Variants in ASXL1 observed in about 807,000 individuals in gnomAD.
The protein encoded by ASXL1 is polycomb group protein ASXL1.
A neutral mutation model predicts 89.1 loss-of-function variants in ASXL1; 65 were observed. That is an observed-to-expected ratio of 0.73 (90% confidence interval 0.60 to 0.90). The LOEUF (loss-of-function observed/expected upper bound fraction) is 0.90. Among genes scored for constraint, ASXL1 ranks in the 40% least tolerant of loss-of-function variants. The pLI is 0.00. For synonymous variants in ASXL1, 739 were observed against 746.9 expected, an observed-to-expected ratio of 0.99 and a Z score of 0.17; for missense variants, 1,786 against 1,942.9, an observed-to-expected ratio of 0.92 and a Z score of 1.52.
chr20:32,388,059 C>T (rs969847446), intron 4 of ASXL1, among the ~76,000 whole-genome samples: 1 of 152,214 alleles, frequency 6.6e-6, no homozygotes, highest in African/African-American at 2.4e-5. Flanking sequence ...ATCACTCTCT[C>T]TGCCACCAGA....
At position 32,435,315 on chromosome 20, in the gene ASXL1, T is replaced by A. The variant is rs1448291477; in HGVS notation, c.2603T>A (p.Leu868His). ...AGAGCATTTGATGACGAATTAGGGC[T>A]TGGTGGCTCATGCCCTCCTATGAGG... ...QNRAFDDELG[L>H]GGSCPPMRES... Residue 868 changes from leucine to histidine, a missense_variant, in exon 13 of 13, where the codon CTT (leucine) becomes CAT (histidine). Coordinates refer to ENST00000375687, the MANE Select transcript of ASXL1 (RefSeq NM_015338.6). 1.2e-6 allele frequency: 2 copies of A among 1,614,174 alleles called. No individual in the cohort carries two copies. Among genetic ancestry groups the A allele is most frequent in the Non-Finnish European group, 1.7e-6 (2 of 1,180,008 alleles).
At chr20:32,379,019 C>T (rs1400866975) in intron 4 of ASXL1, among the ~76,000 whole-genome samples, 1 of 151,532 alleles carries the variant, frequency 6.6e-6, no homozygotes, top group African/African-American at 2.4e-5. Context: ...GTAGTCCCAG[C>T]TACTCGGGAG....
intron 8 of ASXL1, 34 bp from the exon 9 acceptor site, chr20:32,431,287 A>T (rs1355171800): frequency 5.0e-6 from 8 of 1,614,050 alleles, no homozygotes; most frequent in Non-Finnish European, 6.8e-6. Context: ...TCTTTTAAAA[A>T]GCTGAAATCT....
intron 4 of ASXL1, among the ~76,000 whole-genome samples, chr20:32,421,237 T>A (rs4911092): frequency 0.8 from 118,216 of 147,584 alleles, 47,200 homozygotes; most frequent in South Asian, 0.92. Context: ...AAGTAAAATT[T>A]AAAAAAAAAA....
At chr20:32,366,317 T>G in intron 1 of ASXL1, 67 bp from the exon 2 acceptor site, 1 of 1,379,468 alleles carries the variant, frequency 7.2e-7, no homozygotes, top group Non-Finnish European at 1.0e-6. Flanking sequence ...CTTTAGCCCA[T>G]GATATATGGA....
intron 4 of ASXL1, among the ~76,000 whole-genome samples, chr20:32,377,760 C>T (rs1355870044): frequency 6.6e-6 from 1 of 150,930 alleles, no homozygotes. Flanking sequence ...CCAAGCGATT[C>T]TCTTACCTCA....
intron 2 of ASXL1, among the ~76,000 whole-genome samples, chr20:32,366,819 C>T (rs2048211798): frequency 6.6e-6 from 1 of 152,160 alleles, no homozygotes; most frequent in South Asian, 2.1e-4. Context: ...ACCCTTTTCT[C>T]TATGCCGTAT....
intron 1 of ASXL1, among the ~76,000 whole-genome samples, chr20:32,361,915 A>G (rs531982995): frequency 9.9e-5 from 15 of 151,782 alleles, no homozygotes; most frequent in African/African-American, 2.9e-4. Flanking sequence ...AAAATACAAA[A>G]ATTAGCCAGG....
intron 4 of ASXL1, among the ~76,000 whole-genome samples, chr20:32,405,169 A>G (rs2048935002): frequency 1.3e-5 from 2 of 152,290 alleles, no homozygotes; most frequent in South Asian, 4.1e-4. Flanking sequence ...TCTGTTGTAC[A>G]GACTGGAGTG....
chr20:32,393,610 T>G (rs1056823901), intron 4 of ASXL1, among the ~76,000 whole-genome samples: 5 of 152,118 alleles, frequency 3.3e-5, no homozygotes, highest in African/African-American at 1.2e-4. Context: ...TAGCTGGGAC[T>G]GCAGGCACCT....
In ASXL1 at chr20:32,431,767, T is replaced by C. The variant is rs901854171; in HGVS notation, c.979+88T>C. 6.5e-6 allele frequency: 9 copies of C among 1,377,996 alleles called. No homozygotes were observed. The African/African-American group carries it at 9.9e-5, about 15-fold the overall frequency. 85.4% of individuals were successfully genotyped at this position (1,377,996 alleles called of 1,614,324 possible). ...CCTGGTATTTAAAACCCAAGCTCGC[T>C]CTTCTCAAAGGGTTATTTAGTATAA... On this transcript the variant is annotated intron_variant, in intron 10 of 12. Transcript: ENST00000375687.
rs563571600 is a variant in ASXL1, at chr20:32,430,196, T to C, written c.718+143T>C. On this transcript the variant is annotated intron_variant, in intron 8 of 12. Coordinates refer to ENST00000375687, the MANE Select transcript of ASXL1 (RefSeq NM_015338.6). ...CTCTATTTTTTGTTTATTTTTACTT[T>C]GTAATTTGCTTATTTCATTTGTAGC... 42 of 1,131,790 alleles carry C rather than the reference T, an allele frequency of 3.7e-5. 1 individual carries two copies. The South Asian group carries it at 5.1e-4, about 14-fold the overall frequency. 70.1% of individuals were successfully genotyped at this position (1,131,790 alleles called of 1,614,324 possible).
At chr20:32,434,015 A>C in intron 12 of ASXL1, 98 bp downstream of exon 12, 1 of 1,515,364 alleles carries the variant, frequency 6.6e-7, no homozygotes. Context: ...GAAGTTAATT[A>C]TGTGGGAATG....
chr20:32,429,066 C>T lies in ASXL1; in HGVS notation c.472-272C>T. Reference sequence around the variant, plus strand: ...TGGGAGTGAGCAGTTTGAATGATAACCCTGCACTTACTAGCCTTGAGACTT... The same window carrying T: ...TGGGAGTGAGCAGTTTGAATGATAATCCTGCACTTACTAGCCTTGAGACTT... On this transcript the variant is annotated intron_variant, in intron 6 of 12. Transcript: ENST00000375687. This position sits in a 1 kb window ranked among gnomAD's most constrained non-coding sequence, Gnocchi z 4.9. 2.2e-6 allele frequency: 1 copy of T among 461,452 alleles called. No homozygotes were observed. The highest frequency in any genetic ancestry group is 4.0e-6 in the Non-Finnish European group (1 of 249,152). 28.6% of individuals were successfully genotyped at this position (461,452 alleles called of 1,614,324 possible).
At chr20:32,386,855 C>A (rs539010058) in intron 4 of ASXL1, among the ~76,000 whole-genome samples, 1 of 143,472 alleles carries the variant, frequency 7.0e-6, no homozygotes, top group Non-Finnish European at 1.5e-5. Flanking sequence ...CGATTATGTA[C>A]CTTGATGTGG....
rs752183203 is a variant in ASXL1, at chr20:32,436,938, CCTT to C, written c.4229_4231del (p.Phe1410del). ...GGGATGCCCTTTGTCATGGACTTGC[CCTT>C]CTGGAAATTACCCCGAGAGCCAGGG... On this transcript the variant is annotated inframe_deletion, in exon 13 of 13. Coordinates refer to ENST00000375687, the MANE Select transcript of ASXL1 (RefSeq NM_015338.6). The C allele has an allele frequency of 1.2e-6, 2 of 1,614,050 alleles. No homozygotes were observed. Among genetic ancestry groups the C allele is most frequent in the African/African-American group, 2.7e-5 (2 of 74,928 alleles).
chr20:32,372,176 G>A lies in ASXL1; in HGVS notation c.252+3053G>A, dbSNP rs781128104. The stretch of plus-strand genomic sequence containing the variant: ...CTTAATTTTACAGGTGTGAGCCACT[G>A]CACCAGGCCCCTTCATCTTAATTTT... On this transcript the variant is annotated intron_variant, in intron 4 of 12. Transcript: ENST00000375687. 1.3e-5 allele frequency: 17 copies of A among 1,347,852 alleles called. No homozygotes were observed. In the African/African-American group the frequency reaches 1.8e-4, roughly 14 times the overall value. 83.5% of individuals were successfully genotyped at this position (1,347,852 alleles called of 1,614,324 possible). A position where few individuals can be genotyped will look rare whatever the true frequency, so the allele number is the denominator to read the frequency against.
intron 4 of ASXL1, among the ~76,000 whole-genome samples, chr20:32,420,506 A>T (rs912578498): frequency 1.3e-5 from 2 of 151,996 alleles, no homozygotes; most frequent in Non-Finnish European, 2.9e-5. Context: ...TTTTTTCAAC[A>T]TTAGCTTCTT....
intron 4 of ASXL1, among the ~76,000 whole-genome samples, chr20:32,387,438 A>T (rs1336486895): frequency 6.6e-6 from 1 of 152,172 alleles, no homozygotes; most frequent in Non-Finnish European, 1.5e-5. Context: ...CAGGCTCTTA[A>T]ATACTACTGG....
Sources: gnomAD v4.1 joint callset for allele counts (sites outside exome capture counted in the v4.1 genomes callset) on GRCh38, gnomAD v4.1.1 for gene constraint, Gnocchi (gnomAD v3.1) non-coding constraint, MANE v1.5 for transcripts, NCBI Gene and HGNC (gene_info 2026-07-23, HGNC 2026-07-21) for gene names.